ADAMTS12: variants seen among roughly 807,000 people sequenced by gnomAD.
The protein encoded by ADAMTS12 is A disintegrin and metalloproteinase with thrombospondin motifs 12.
ADAMTS12 carries 118 observed loss-of-function variants against 167.8 expected under a neutral mutation model. The observed-to-expected ratio is 0.70, with a 90% confidence interval of 0.61 to 0.82. ADAMTS12 has a LOEUF of 0.82. ADAMTS12 is among the 40% of genes least tolerant of loss of function. The probability of loss-of-function intolerance (pLI) is 0.00; values close to 1 mark genes in which losing one functional copy is unlikely to be tolerated. For synonymous variants in ADAMTS12, 704 were observed against 716.9 expected (o/e 0.98, Z 0.29); for missense variants, 1,916 against 1,998.8 (o/e 0.96, Z 0.79).
intron 2 of ADAMTS12, among the ~76,000 whole-genome samples, chr5:33,842,293 T>A (rs931248951): frequency 6.6e-6 from 1 of 152,228 alleles, no homozygotes; most frequent in Non-Finnish European, 1.5e-5. Flanking sequence ...CTCTTTCATC[T>A]TTGTTGTGGT....
At chr5:33,605,800 T>C (rs1222187627) in intron 16 of ADAMTS12, among the ~76,000 whole-genome samples, 1 of 152,226 alleles carries the variant, frequency 6.6e-6, no homozygotes, top group Non-Finnish European at 1.5e-5. Context: ...TTTACATATA[T>C]TCATTCGTTT....
chr5:33,761,913 C>G (rs1745370103), intron 2 of ADAMTS12, among the ~76,000 whole-genome samples: 1 of 152,236 alleles, frequency 6.6e-6, no homozygotes, highest in African/African-American at 2.4e-5. Context: ...AACAAGGGGG[C>G]CGGGCATGGT....
intron 2 of ADAMTS12, among the ~76,000 whole-genome samples, chr5:33,829,521 T>C (rs908042575): frequency 3.9e-5 from 6 of 152,182 alleles, no homozygotes; most frequent in African/African-American, 1.4e-4. Context: ...CTGCTATGAC[T>C]TCAACTTCAA....
At chr5:33,686,020 T>C (rs986190992) in intron 3 of ADAMTS12, among the ~76,000 whole-genome samples, 2 of 152,134 alleles carry the variant, frequency 1.3e-5, no homozygotes, top group African/African-American at 4.8e-5. Flanking sequence ...TTGGGCTGAG[T>C]ACAGGAATCC....
intron 2 of ADAMTS12, among the ~76,000 whole-genome samples, chr5:33,784,989 G>T (rs1300548194): frequency 6.6e-6 from 1 of 152,000 alleles, no homozygotes; most frequent in African/African-American, 2.4e-5. Flanking sequence ...CAGATCGATG[G>T]AAGAAAATAG....
At chr5:33,560,940 A>G in intron 20 of ADAMTS12, 87 bp downstream of exon 20, 1 of 1,471,062 alleles carries the variant, frequency 6.8e-7, no homozygotes, top group Non-Finnish European at 9.1e-7. Context: ...AAAAAAAACG[A>G]CTTTAGCAAG....
At chr5:33,797,969 G>A (rs551704881) in intron 2 of ADAMTS12, among the ~76,000 whole-genome samples, 23 of 152,288 alleles carry the variant, frequency 1.5e-4, no homozygotes, top group African/African-American at 4.8e-4. Flanking sequence ...GACTTGAAGA[G>A]TTTATTTCAT....
chr5:33,862,191 A>C (rs1262057335), intron 2 of ADAMTS12, among the ~76,000 whole-genome samples: 2 of 152,220 alleles, frequency 1.3e-5, no homozygotes, highest in African/African-American at 4.8e-5. Context: ...AGCAGAATTG[A>C]AAAAGATAGA....
Position 33,740,913 on chromosome 5 carries a change from G to A in ADAMTS12, c.634+10491C>T, listed in dbSNP as rs183338451. ...CCCAGGCCCCAGCTCGTGCTCCACT[G>A]TCTCCTCAGACTTCACTTATAAAGC... On this transcript the variant is annotated intron_variant, in intron 3 of 23. Coordinates refer to ENST00000504830, the MANE Select transcript of ADAMTS12 (RefSeq NM_030955.4). Among the ~76,000 whole-genome samples, 8 of 152,306 alleles carry A rather than the reference G, an allele frequency of 5.3e-5. No homozygotes were observed. In the East Asian group the frequency reaches 1.4e-3, roughly 26 times the overall value.
intron 2 of ADAMTS12, among the ~76,000 whole-genome samples, chr5:33,868,889 C>T (rs1120071): frequency 0.03 from 4,536 of 152,242 alleles, 189 homozygotes; most frequent in East Asian, 0.2. Context: ...ATATTGGACA[C>T]CTCTTTTTAA....
chr5:33,666,003 G>GT (rs1741451460), intron 5 of ADAMTS12, among the ~76,000 whole-genome samples: 1 of 152,168 alleles, frequency 6.6e-6, no homozygotes, highest in African/African-American at 2.4e-5. Context: ...TACATAGGGC[G>GT]TATCCCAAGT....
At chr5:33,560,756 A>G (rs1176383039) in intron 20 of ADAMTS12, among the ~76,000 whole-genome samples, 1 of 112,280 alleles carries the variant, frequency 8.9e-6, no homozygotes, top group East Asian at 2.9e-4. Flanking sequence ...AACATCACAC[A>G]CCGGGGCCTG....
At chr5:33,800,810 G>C (rs1258262523) in intron 2 of ADAMTS12, among the ~76,000 whole-genome samples, 2 of 152,146 alleles carry the variant, frequency 1.3e-5, no homozygotes, top group Non-Finnish European at 2.9e-5. Context: ...TTGTGAGCTG[G>C]TGTTAAACAG....
At chr5:33,644,168 T>C (rs1176550562) in intron 9 of ADAMTS12, among the ~76,000 whole-genome samples, 13 of 152,250 alleles carry the variant, frequency 8.5e-5, no homozygotes. Context: ...CTTGATATTT[T>C]AAGCCATTTT....
intron 2 of ADAMTS12, among the ~76,000 whole-genome samples, chr5:33,818,560 G>A (rs1289910585): frequency 6.6e-6 from 1 of 151,486 alleles, no homozygotes; most frequent in Non-Finnish European, 1.5e-5. Context: ...CTATGTATGA[G>A]GTGGTGATTT....
intron 11 of ADAMTS12, among the ~76,000 whole-genome samples, chr5:33,639,259 AT>A (rs1740344193): frequency 6.6e-6 from 1 of 152,190 alleles, no homozygotes; most frequent in African/African-American, 2.4e-5. Context: ...ATATACTACC[AT>A]GTGCTCAACA....
chr5:33,595,873 C>G, intron 17 of ADAMTS12, 61 bp downstream of exon 17: 1 of 1,603,532 alleles, frequency 6.2e-7, no homozygotes. Flanking sequence ...CACTAGGTCA[C>G]TCTTGAGTCA....
chr5:33,542,252 C>T (rs1744742790), intron 22 of ADAMTS12, among the ~76,000 whole-genome samples: 1 of 152,168 alleles, frequency 6.6e-6, no homozygotes, highest in African/African-American at 2.4e-5. Flanking sequence ...AAAGCCATTA[C>T]ATAATGGTAA....
chr5:33,743,395 C>T (rs1051351824), intron 3 of ADAMTS12, among the ~76,000 whole-genome samples: 22 of 152,200 alleles, frequency 1.4e-4, no homozygotes, highest in African/African-American at 4.8e-4. Flanking sequence ...ACTATGTATG[C>T]TCTAGGCTCA....
Sources: gnomAD v4.1 joint callset for allele counts (sites outside exome capture counted in the v4.1 genomes callset) on GRCh38, gnomAD v4.1.1 for gene constraint, MANE v1.5 for transcripts, NCBI Gene and HGNC (gene_info 2026-07-23, HGNC 2026-07-21) for gene names.